Variants in KANK1 observed in about 807,000 individuals in gnomAD.
The protein encoded by KANK1 is KN motif and ankyrin repeat domains 1.
In KANK1, 109 loss-of-function variants were observed where a neutral mutation model predicts 106.2. The observed-to-expected ratio is 1.03, with a 90% confidence interval of 0.88 to 1.20. The LOEUF (loss-of-function observed/expected upper bound fraction) is 1.20, where lower values mean the gene tolerates loss of function less well. Ranked by LOEUF, KANK1 falls within the 50% of genes most tolerant of loss-of-function variation. KANK1 has a pLI of 0.00. For synonymous variants in KANK1, 873 were observed against 652.2 expected (o/e 1.34, Z -5.16); for missense variants, 2,399 against 1,710.7 (o/e 1.40, Z -7.10).
chr9:694,408 T>A (rs571477060), intron 2 of KANK1, among the ~76,000 whole-genome samples: 1 of 152,238 alleles, frequency 6.6e-6, no homozygotes, highest in African/African-American at 2.4e-5. Context: ...TCCAAGCTCA[T>A]TCTCTTCTGT....
At position 606,290 on chromosome 9, in the gene KANK1, C is replaced by CAATATG. The variant is rs1829138237; in HGVS notation, c.-83-70600_-83-70599insAATATG. On this transcript the variant is annotated intron_variant, in intron 1 of 11. Transcript: ENST00000382297. ...GGGCTGGGGGTGGTGGGGGCGGTGG[C>CAATATG]TCACACCTGAAATCCCAGCACTTTG... Among the ~76,000 whole-genome samples, 184 of 139,588 alleles carry CAATATG rather than the reference C, an allele frequency of 1.3e-3. 11 individuals are homozygous for CAATATG. The highest frequency in any genetic ancestry group is 5.8e-3 in the African/African-American group (173 of 30,008). 91.6% of individuals were successfully genotyped at this position (139,588 alleles called of 152,430 possible).
At chr9:557,748 G>A (rs890885014) in intron 1 of KANK1, among the ~76,000 whole-genome samples, 12 of 152,180 alleles carry the variant, frequency 7.9e-5, no homozygotes, top group Non-Finnish European at 1.2e-4. Flanking sequence ...GGACCTGTAC[G>A]GCCAGGTGTG....
chr9:495,804 G>A (rs2058451268), intron 3 of KANK1, among the ~76,000 whole-genome samples: 1 of 152,124 alleles, frequency 6.6e-6, no homozygotes, highest in Admixed American at 6.5e-5. Context: ...TGATGAAAAG[G>A]CTCTGAGGCT....
intron 2 of KANK1, among the ~76,000 whole-genome samples, chr9:687,234 C>A (rs896260746): frequency 6.6e-6 from 1 of 152,096 alleles, no homozygotes; most frequent in Non-Finnish European, 1.5e-5. Flanking sequence ...AGCCCCGAGG[C>A]TGCGAGCATT....
At chr9:520,608 C>T (rs764697301) in intron 1 of KANK1, among the ~76,000 whole-genome samples, 2 of 151,718 alleles carry the variant, frequency 1.3e-5, no homozygotes, top group Non-Finnish European at 2.9e-5. Context: ...ATATTTAACT[C>T]AAAAAATTTA....
intron 1 of KANK1, among the ~76,000 whole-genome samples, chr9:543,559 C>CAAA (rs57776331): frequency 8.3e-5 from 10 of 120,462 alleles, no homozygotes; most frequent in South Asian, 5.6e-4. Context: ...AACTCTGTCT[C>CAAA]AAAAAAAAAA....
intron 1 of KANK1, among the ~76,000 whole-genome samples, chr9:527,883 T>C (rs1334972840): frequency 2.6e-5 from 4 of 151,166 alleles, no homozygotes; most frequent in African/African-American, 9.8e-5. Flanking sequence ...GCGCGATGGC[T>C]CATGCCTGTA....
chr9:671,509 T>TGGTCTGTACCTGTAGTCCCAGCTAATCG, intron 1 of KANK1, among the ~76,000 whole-genome samples: 1 of 144,414 alleles, frequency 6.9e-6, no homozygotes, highest in East Asian at 2.1e-4. Flanking sequence ...CTGGACGTGG[T>TGGTCTGTACCTGTAGTCCCAGCTAATCG]GGAGGCTGAG....
At chr9:718,454 A>AG (rs1021763548) in intron 3 of KANK1, among the ~76,000 whole-genome samples, 1 of 150,142 alleles carries the variant, frequency 6.7e-6, no homozygotes, top group Non-Finnish European at 1.5e-5. Flanking sequence ...CTGGGACTAC[A>AG]GGTGCATGCC....
intron 2 of KANK1, among the ~76,000 whole-genome samples, chr9:698,794 T>C (rs536739780): frequency 6.6e-6 from 1 of 152,330 alleles, no homozygotes; most frequent in Admixed American, 6.5e-5. Context: ...GGGACTTGAA[T>C]AATCCATGGA....
chr9:476,865 T>C (rs2058113734), intron 3 of KANK1: 1 of 152,234 alleles, frequency 6.6e-6, no homozygotes, highest in South Asian at 2.1e-4. Flanking sequence ...AATGAATGAA[T>C]GACTTCTGAG....
intron 1 of KANK1, among the ~76,000 whole-genome samples, chr9:616,532 C>A (rs948692575): frequency 1.3e-5 from 2 of 152,190 alleles, no homozygotes; most frequent in East Asian, 3.8e-4. Context: ...TCACTTGATA[C>A]CTACCAAATT....
intron 2 of KANK1, chr9:684,079 G>A: frequency 1.3e-6 from 1 of 751,366 alleles, no homozygotes; most frequent in Non-Finnish European, 1.6e-6. Context: ...CCCCCGGAGA[G>A]GTTTTGAAAA....
intron 1 of KANK1, among the ~76,000 whole-genome samples, chr9:651,410 A>G (rs576173374): frequency 5.3e-5 from 8 of 152,340 alleles, no homozygotes; most frequent in African/African-American, 9.6e-5. Flanking sequence ...CTAATTTAGG[A>G]AACGTGGCCT....
chr9:721,431 C>T (rs10815522), intron 3 of KANK1, among the ~76,000 whole-genome samples: 99,875 of 152,048 alleles, frequency 0.66, 33,316 homozygotes, highest in African/African-American at 0.73. Flanking sequence ...AAGGGGGGGC[C>T]ATATGGCAAA....
At chr9:521,242 T>C (rs568553270) in intron 1 of KANK1, among the ~76,000 whole-genome samples, 1 of 151,756 alleles carries the variant, frequency 6.6e-6, no homozygotes, top group African/African-American at 2.4e-5. Flanking sequence ...AGATTCTTTT[T>C]GTGGGGGATC....
chr9:516,721 G>A (rs974058829), intron 1 of KANK1, among the ~76,000 whole-genome samples: 2 of 151,588 alleles, frequency 1.3e-5, no homozygotes, highest in African/African-American at 4.9e-5. Context: ...ATACTTCATA[G>A]GCATTCAAAA....
chr9:738,544 A>G, intron 8 of KANK1, 40 bp downstream of exon 8: 1 of 1,521,700 alleles, frequency 6.6e-7, no homozygotes, highest in Non-Finnish European at 9.1e-7. Flanking sequence ...CTCTAACAGT[A>G]CTTGGGTTGT....
At chr9:734,597 C>G in intron 6 of KANK1, 151 bp from the exon 7 acceptor site, 2 of 534,974 alleles carry the variant, frequency 3.7e-6, no homozygotes, top group Non-Finnish European at 6.9e-6. Flanking sequence ...ATCCAGGAGG[C>G]GGAGGTTGCA....
Sources: allele counts gnomAD v4.1 joint callset (sites outside exome capture counted in the v4.1 genomes callset), GRCh38; gene constraint gnomAD v4.1.1; transcripts MANE v1.5; gene names NCBI Gene and HGNC (gene_info 2026-07-23, HGNC 2026-07-21).